Variants in WLS observed in about 807,000 individuals in gnomAD.
WLS encodes Wnt ligand secretion mediator, also known as protein wntless homolog.
WLS carries 23 observed loss-of-function variants against 62.8 expected under a neutral mutation model. That is an observed-to-expected ratio of 0.37 (90% CI 0.26 to 0.52). The LOEUF is 0.52. Ranked by LOEUF, WLS falls within the 20% of genes least tolerant of loss-of-function variation. WLS has a pLI of 0.92. For missense variants in WLS, 615 were observed against 697.3 expected (o/e 0.88, Z 1.33); for synonymous variants, 246 against 244.1 (o/e 1.01, Z -0.07).
At chr1:68,171,917 T>C (rs1324489965) in intron 2 of WLS, among the ~76,000 whole-genome samples, 2 of 152,270 alleles carry the variant, frequency 1.3e-5, no homozygotes, top group East Asian at 1.9e-4. Context: ...CCAACTCAAA[T>C]GCCCAGCAAT....
intron 1 of WLS, among the ~76,000 whole-genome samples, chr1:68,210,208 A>G (rs904566259): frequency 6.6e-6 from 1 of 152,238 alleles, no homozygotes; most frequent in Non-Finnish European, 1.5e-5. Context: ...GCTGGTTGCC[A>G]TGGTAGCAGA....
Position 68,126,024 on chromosome 1 carries a change from T to G in WLS, c.*202A>C. On this transcript the variant is annotated 3_prime_UTR_variant, in exon 12 of 12. Transcript: ENST00000262348. Reference sequence around the variant, plus strand: ...CCAGAGTTTTTGTTATCATACACAATGCATTAGTGGCTGCAGGAATCTTCC... The same window carrying G: ...CCAGAGTTTTTGTTATCATACACAAGGCATTAGTGGCTGCAGGAATCTTCC... The G allele has an allele frequency of 4.3e-6, 6 of 1,407,364 alleles. No homozygotes were observed. Among genetic ancestry groups the G allele is most frequent in the Non-Finnish European group, 5.6e-6 (6 of 1,075,972 alleles). The allele number at this position is 1,407,364 out of a possible 1,614,324, so 87.2% of individuals were successfully genotyped here.
At chr1:68,204,762 CCT>C (rs1226691460) in intron 1 of WLS, among the ~76,000 whole-genome samples, 15 of 152,220 alleles carry the variant, frequency 9.9e-5, no homozygotes, top group African/African-American at 3.6e-4. Flanking sequence ...CTGGAGGCCT[CCT>C]CTGATTTTCC....
At position 68,145,888 on chromosome 1, in the gene WLS, A is replaced by G; in HGVS notation, c.1259T>C (p.Val420Ala). ...KQSSLPAMSK[V>A]RRLHYEGLIF... ...GCCCACCTCATAGTGTAGCCGCCGG[A>G]CTTTGCTCATAGCTGGCAGGCTGGA... The change falls in exon 9 of 12, where the codon GTC (valine) becomes GCC (alanine). Residue 420 changes from valine to alanine, a missense_variant. By Grantham distance (64) the Val-to-Ala change is moderately conservative. Transcript: ENST00000262348. The G allele has an allele frequency of 6.2e-7, 1 of 1,614,184 alleles. No homozygotes were observed. The highest frequency in any genetic ancestry group is 8.5e-7 in the Non-Finnish European group (1 of 1,180,028).
rs142124761 is a variant in WLS, at chr1:68,174,010, A to G, written c.380-14763T>C. ...GAAACCAGGTGTCTAAAAGAAGCAA[A>G]CCATTTCTTTCCCTCCCTTCAGTCC... On this transcript the variant is annotated intron_variant, in intron 2 of 11. Coordinates refer to ENST00000262348, the MANE Select transcript of WLS (RefSeq NM_024911.7). Among the ~76,000 whole-genome samples, 375 of 152,296 alleles carry G rather than the reference A, an allele frequency of 2.5e-3. 2 individuals carry two copies. Among genetic ancestry groups the G allele is most frequent in the Non-Finnish European group, 4.1e-3 (282 of 68,026 alleles).
chr1:68,114,881 G>T (rs147658798), intron 11 of WLS, among the ~76,000 whole-genome samples: 2 of 152,364 alleles, frequency 1.3e-5, no homozygotes, highest in African/African-American at 4.8e-5. Flanking sequence ...CCCTAATTGG[G>T]CAGGTATAGG....
At chr1:68,173,136 A>G (rs1025628821) in intron 2 of WLS, among the ~76,000 whole-genome samples, 1 of 152,232 alleles carries the variant, frequency 6.6e-6, no homozygotes, top group Non-Finnish European at 1.5e-5. Flanking sequence ...TTGTTTACCA[A>G]AGAATCTGAA....
rs771136118 is a variant in WLS at position 68,148,573 on chromosome 1, T to C, written c.1060A>G (p.Met354Val). The C allele has an allele frequency of 2.5e-6, 4 of 1,613,980 alleles. No individual in the cohort carries two copies. The South Asian group carries it at 3.3e-5, about 13-fold the overall frequency. The change falls in exon 7 of 12, where the codon ATG (methionine) becomes GTG (valine). Residue 354 changes from methionine (M) to valine (V), a missense_variant. Physicochemically the swap from Met to Val is conservative, Grantham distance 21. Transcript: ENST00000262348. ...VGSFCLFIFD[M>V]CERGVQLTNP... ...CAAACACTTGCTCACCTCTCACACA[T>C]GTCAAATATGAAGAGGCAGAAGGAG...
rs140342304 is a variant in WLS at position 68,103,753 on chromosome 1, C to T, written c.1511-5000G>A. ...TTGGAGGCGTGCCCAGCATCATCCCCGCCAAGCCTTTCCTTAATCCACAGC... is the reference window on the plus strand; with the variant it reads ...TTGGAGGCGTGCCCAGCATCATCCCTGCCAAGCCTTTCCTTAATCCACAGC... On this transcript the variant is annotated intron_variant, in intron 11 of 11. Coordinates refer to the WLS transcript ENST00000354777. 3.2e-4 allele frequency among the ~76,000 whole-genome samples: 49 copies of T among 152,286 alleles called. 1 individual carries two copies. The East Asian group carries it at 8.1e-3, about 25-fold the overall frequency.
chr1:68,154,619 AATT>A (rs900720428), intron 4 of WLS, among the ~76,000 whole-genome samples: 15 of 152,176 alleles, frequency 9.9e-5, no homozygotes, highest in Non-Finnish European at 1.9e-4. Context: ...CATTACAGGT[AATT>A]ATTATGCTTT....
At chr1:68,211,537 T>A (rs534784613) in intron 1 of WLS, among the ~76,000 whole-genome samples, 30 of 152,308 alleles carry the variant, frequency 2.0e-4, no homozygotes, top group Non-Finnish European at 3.8e-4. Flanking sequence ...ATTATTACCC[T>A]TCTTTGATTT....
intron 2 of WLS, among the ~76,000 whole-genome samples, chr1:68,181,596 C>T (rs1647574611): frequency 1.3e-5 from 2 of 152,198 alleles, no homozygotes; most frequent in African/African-American, 4.8e-5. Flanking sequence ...TTAGAGTCCG[C>T]TGTTTGGTAG....
intron 1 of WLS, among the ~76,000 whole-genome samples, chr1:68,230,784 C>T (rs1437914758): frequency 2.6e-5 from 4 of 152,196 alleles, no homozygotes; most frequent in African/African-American, 9.6e-5. Flanking sequence ...CACCCACTCT[C>T]CTTTGTTTAA....
chr1:68,161,830 G>A (rs78001011), intron 2 of WLS: 2 of 1,604,968 alleles, frequency 1.2e-6, no homozygotes, highest in South Asian at 1.1e-5. Flanking sequence ...GGAAGGATGT[G>A]CCACTGTTGG....
At chr1:68,223,214 G>A in intron 1 of WLS, among the ~76,000 whole-genome samples, 1 of 152,226 alleles carries the variant, frequency 6.6e-6, no homozygotes, top group Non-Finnish European at 1.5e-5. Context: ...TCTCTTGGGA[G>A]TAAAATGTGC....
At position 68,184,066 on chromosome 1, in the gene WLS, A is replaced by G. The variant is rs369505192; in HGVS notation, c.379+9889T>C. Among the ~76,000 whole-genome samples the G allele has an allele frequency of 2.9e-4, 44 of 152,232 alleles. No homozygotes were observed. In the South Asian group the frequency reaches 8.9e-3, roughly 31 times the overall value. ...TTCCCCTACCCTTCATCATTTACCA[A>G]TATTTTTTCAGTCTCAGGAATTTTT... On this transcript the variant is annotated intron_variant, in intron 2 of 11. Coordinates refer to ENST00000262348, the MANE Select transcript of WLS (RefSeq NM_024911.7).
chr1:68,098,605 CT>C, exon 12 of WLS: 1 of 1,611,252 alleles, frequency 6.2e-7, no homozygotes, highest in Non-Finnish European at 8.5e-7. Context: ...AAATGCAAAG[CT>C]GATAAACATG....
At chr1:68,121,992 G>C (rs1646369136), downstream of WLS, among the ~76,000 whole-genome samples, 1 of 152,136 alleles carries the variant, frequency 6.6e-6, no homozygotes, top group Non-Finnish European at 1.5e-5. Context: ...TAGCCTCCAT[G>C]GTTACCTGAA....
intron 11 of WLS, among the ~76,000 whole-genome samples, chr1:68,100,470 C>T (rs1485794779): frequency 6.6e-6 from 1 of 152,152 alleles, no homozygotes; most frequent in East Asian, 1.9e-4. Context: ...AAACTCAAAC[C>T]CTCAAGGAAT....
Sources: gnomAD v4.1 joint callset for allele counts (sites outside exome capture counted in the v4.1 genomes callset) on GRCh38, gnomAD v4.1.1 for gene constraint, MANE v1.5 for transcripts, NCBI Gene and HGNC (gene_info 2026-07-23, HGNC 2026-07-21) for gene names.